CDH22: variants seen among roughly 807,000 people sequenced by gnomAD.
CDH22 encodes the protein cadherin 22.
In CDH22, 30 loss-of-function variants were observed where a neutral mutation model predicts 58.4. The observed-to-expected ratio is 0.51, with a 90% CI of 0.38 to 0.70. CDH22 has a LOEUF of 0.70. Among genes scored for constraint, CDH22 ranks in the 30% least tolerant of loss-of-function variants. The probability of loss-of-function intolerance (pLI) is 0.00; values close to 1 mark genes in which losing one functional copy is unlikely to be tolerated. For missense variants in CDH22, 1,014 were observed against 1,233.9 expected, an observed-to-expected ratio of 0.82 and a Z score of 2.67; for synonymous variants, 513 against 558.2, an observed-to-expected ratio of 0.92 and a Z score of 1.14.
intron 3 of CDH22, among the ~76,000 whole-genome samples, chr20:46,230,414 G>T (rs2086212462): frequency 6.6e-6 from 1 of 151,978 alleles, no homozygotes; most frequent in Admixed American, 6.6e-5. Context: ...ATATCAACTG[G>T]CCCACAAAAC....
intron 4 of CDH22, among the ~76,000 whole-genome samples, chr20:46,226,292 C>CTTCTTCTTCT: frequency 1.9e-5 from 2 of 105,446 alleles, no homozygotes; most frequent in South Asian, 5.9e-4. Context: ...TCTTCTTCTT[C>CTTCTTCTTCT]TTTTTTTTTT....
intron 3 of CDH22, 72 bp downstream of exon 3, chr20:46,240,891 C>T (rs563768959): frequency 1.0e-5 from 14 of 1,360,512 alleles, no homozygotes; most frequent in South Asian, 4.0e-5. Context: ...GGATCAGCTA[C>T]TCCCCTTCCC....
intron 7 of CDH22, among the ~76,000 whole-genome samples, chr20:46,205,994 G>T (rs2085999831): frequency 6.6e-6 from 1 of 152,108 alleles, no homozygotes; most frequent in African/African-American, 2.4e-5. Context: ...TCCCCTTCCT[G>T]GTGCATAAAC....
At position 46,210,253 on chromosome 20, in the gene CDH22, G is replaced by C. The variant is rs543025452; in HGVS notation, c.1286+54C>G. The stretch of plus-strand genomic sequence containing the variant: ...CCCCTCTGCCCGCAGTCTGTCCGCG[G>C]GGGTGATGGCGGGATAGCAGGCAGC... On this transcript the variant is annotated intron_variant, in intron 7 of 11. Transcript: ENST00000537909. The surrounding 1 kb of genome is among the most constrained non-coding windows in gnomAD (Gnocchi z 4.5). The C allele has an allele frequency of 1.4e-4, 189 of 1,361,374 alleles. 3 individuals are homozygous for C. The South Asian group carries it at 2.9e-3, about 21-fold the overall frequency. 84.3% of individuals were successfully genotyped at this position (1,361,374 alleles called of 1,614,324 possible). A position where few individuals can be genotyped will look rare whatever the true frequency, so the allele number is the denominator to read the frequency against.
chr20:46,229,669 G>T (rs2086205097), intron 3 of CDH22, among the ~76,000 whole-genome samples: 1 of 152,172 alleles, frequency 6.6e-6, no homozygotes, highest in Non-Finnish European at 1.5e-5. Flanking sequence ...ATAAGTGCAG[G>T]TTGTTGTTGT....
chr20:46,186,202 CAA>C (rs57944745), intron 10 of CDH22, among the ~76,000 whole-genome samples: 9,856 of 80,892 alleles, frequency 0.12, 363 homozygotes, highest in East Asian at 0.3. Context: ...GACCCTGTCT[CAA>C]AAAAAAAAAA....
At chr20:46,253,891 C>G (rs1360243142) in intron 1 of CDH22, among the ~76,000 whole-genome samples, 1 of 152,108 alleles carries the variant, frequency 6.6e-6, no homozygotes, top group Non-Finnish European at 1.5e-5. Context: ...AGTGGCATGT[C>G]AAGGGGAGAT....
chr20:46,213,195 G>A lies in CDH22; in HGVS notation c.839-7C>T. On this transcript the variant is annotated splice_region_variant and splice_polypyrimidine_tract_variant and intron_variant, in intron 5 of 11. Coordinates refer to ENST00000537909, the MANE Select transcript of CDH22 (RefSeq NM_021248.3). ...ATGCTGAACTGGTACATCTCTGTGG[G>A]GGACACGGCCATGAGCAGGGATGAA... 1 of 1,613,674 alleles carries A rather than the reference G, an allele frequency of 6.2e-7. No individual in the cohort carries two copies. The highest frequency in any genetic ancestry group is 8.5e-7 in the Non-Finnish European group (1 of 1,179,780).
rs189992948 is a variant in CDH22 at position 46,279,262 on chromosome 20, C to T, written c.-399-27569G>A. Among the ~76,000 whole-genome samples the T allele has an allele frequency of 3.9e-5, 6 of 152,246 alleles. No individual in the cohort carries two copies. The East Asian group carries it at 5.8e-4, about 15-fold the overall frequency. On this transcript the variant is annotated intron_variant, in intron 1 of 11. Coordinates refer to ENST00000537909, the MANE Select transcript of CDH22 (RefSeq NM_021248.3). ...CACCCTGGTCCATTAACGCTGAAAA[C>T]GCAAAAAACTCATGACTCAGGAGTC...
At chr20:46,279,175 C>T (rs1409123887) in intron 1 of CDH22, among the ~76,000 whole-genome samples, 3 of 152,182 alleles carry the variant, frequency 2.0e-5, no homozygotes, top group African/African-American at 2.4e-5. Flanking sequence ...AATGCGCACA[C>T]GCTCTCCTAC....
intron 4 of CDH22, among the ~76,000 whole-genome samples, chr20:46,220,198 G>A (rs56124797): frequency 6.6e-6 from 1 of 151,082 alleles, no homozygotes; most frequent in Non-Finnish European, 1.5e-5. Context: ...GGAAGATTGC[G>A]GGGGGAGGTA....
rs781636019 is a variant in CDH22 at position 46,210,213 on chromosome 20, C to T, written c.1286+94G>A. On this transcript the variant is annotated intron_variant, in intron 7 of 11. Transcript: ENST00000537909. The surrounding 1 kb of genome is among the most constrained non-coding windows in gnomAD (Gnocchi z 4.5). ...CGCAGCCCCTTCCTTCGGCCCTGCC[C>T]GCCCCAGCCCTCCTCCCCTCTGCCC... 3,189 of 1,257,882 alleles carry T rather than the reference C, an allele frequency of 2.5e-3. 9 individuals are homozygous for T. Among genetic ancestry groups the T allele is most frequent in the Non-Finnish European group, 3.0e-3 (2,892 of 980,308 alleles). The allele number at this position is 1,257,882 out of a possible 1,614,324, so 77.9% of individuals were successfully genotyped here.
At chr20:46,269,698 G>A (rs1302959154) in intron 1 of CDH22, among the ~76,000 whole-genome samples, 1 of 152,186 alleles carries the variant, frequency 6.6e-6, no homozygotes, top group African/African-American at 2.4e-5. Context: ...GCCAAGAGGA[G>A]CCAGCCTGCC....
intron 3 of CDH22, among the ~76,000 whole-genome samples, chr20:46,232,630 A>T (rs1358439779): frequency 1.3e-5 from 2 of 152,214 alleles, no homozygotes; most frequent in Non-Finnish European, 2.9e-5. Context: ...ATTTATAAAA[A>T]ATGAGTCCCA....
At chr20:46,253,267 C>CT (rs1027364406) in intron 1 of CDH22, among the ~76,000 whole-genome samples, 1 of 152,210 alleles carries the variant, frequency 6.6e-6, no homozygotes, top group Non-Finnish European at 1.5e-5. Flanking sequence ...TTCCCCAGTG[C>CT]TTTTTTTTCT....
At chr20:46,272,497 C>T (rs1263057354) in intron 1 of CDH22, among the ~76,000 whole-genome samples, 1 of 152,096 alleles carries the variant, frequency 6.6e-6, no homozygotes, top group Non-Finnish European at 1.5e-5. Context: ...GAGAACAGGT[C>T]CAGAAGTGAG....
chr20:46,272,328 G>A (rs1055174809), intron 1 of CDH22, among the ~76,000 whole-genome samples: 6 of 152,226 alleles, frequency 3.9e-5, no homozygotes, highest in Non-Finnish European at 7.3e-5. Flanking sequence ...TGTTTGAGAT[G>A]TTCCTGAGAC....
intron 1 of CDH22, among the ~76,000 whole-genome samples, chr20:46,297,648 G>A (rs187534514): frequency 4.0e-5 from 6 of 151,696 alleles, no homozygotes; most frequent in East Asian, 2.0e-4. Flanking sequence ...AAGAGAGTGC[G>A]GGCTCAGTGA....
At chr20:46,234,400 T>G (rs2086240039) in intron 3 of CDH22, among the ~76,000 whole-genome samples, 1 of 152,248 alleles carries the variant, frequency 6.6e-6, no homozygotes, top group South Asian at 2.1e-4. Flanking sequence ...GCATTTATTT[T>G]TTCATTAGTA....
Sources: gnomAD v4.1 joint callset for allele counts (sites outside exome capture counted in the v4.1 genomes callset) on GRCh38, gnomAD v4.1.1 for gene constraint, Gnocchi (gnomAD v3.1) non-coding constraint, MANE v1.5 for transcripts, NCBI Gene and HGNC (gene_info 2026-07-23, HGNC 2026-07-21) for gene names.